MPPED2: variants seen among roughly 807,000 people sequenced by gnomAD.
MPPED2 encodes metallophosphoesterase MPPED2.
A neutral mutation model predicts 33.0 loss-of-function variants in MPPED2; 5 were observed. That is an observed-to-expected ratio of 0.15 (90% CI 0.08 to 0.32). MPPED2 has a LOEUF of 0.32. Among genes scored for constraint, MPPED2 ranks in the 10% least tolerant of loss-of-function variants. The probability of loss-of-function intolerance (pLI) is 1.00; values close to 1 mark genes in which losing one functional copy is unlikely to be tolerated. For synonymous variants in MPPED2, 136 were observed against 141.9 expected (o/e 0.96, Z 0.29); for missense variants, 275 against 372.1 (o/e 0.74, Z 2.15).
intron 4 of MPPED2, among the ~76,000 whole-genome samples, chr11:30,430,663 G>A (rs548232943): frequency 1.4e-4 from 22 of 152,116 alleles, no homozygotes; most frequent in Admixed American, 2.6e-4. Context: ...AGTGTAATTC[G>A]TAACAACAAA....
chr11:30,534,241 C>T (rs1394098509), intron 3 of MPPED2, among the ~76,000 whole-genome samples: 3 of 152,148 alleles, frequency 2.0e-5, no homozygotes, highest in East Asian at 1.9e-4. Context: ...ACATTGTCAA[C>T]GCAGCTCGAT....
intron 2 of MPPED2, among the ~76,000 whole-genome samples, chr11:30,572,079 G>T (rs189438630): frequency 6.8e-4 from 104 of 152,202 alleles, no homozygotes; most frequent in African/African-American, 2.5e-3. Context: ...TCTATGAGTC[G>T]TTCTTTATCC....
At chr11:30,540,337 C>T (rs1213701854) in intron 2 of MPPED2, among the ~76,000 whole-genome samples, 1 of 152,120 alleles carries the variant, frequency 6.6e-6, no homozygotes, top group African/African-American at 2.4e-5. Context: ...AAATCCACTC[C>T]ACAACTTATT....
chr11:30,577,673 C>T (rs1453076039), intron 2 of MPPED2, among the ~76,000 whole-genome samples: 1 of 152,180 alleles, frequency 6.6e-6, no homozygotes, highest in East Asian at 1.9e-4. Flanking sequence ...TGACCACCTA[C>T]CATAGGTCAG....
At chr11:30,410,048 C>T (rs887002714), downstream of MPPED2, 81 of 945,586 alleles carry the variant, frequency 8.6e-5, no homozygotes, top group African/African-American at 1.3e-3. Context: ...AGTGCCTTAT[C>T]GATCTATCTG....
rs534665675 is a variant in MPPED2, at chr11:30,410,291, A to G, written c.*1177T>C. 4.1e-6 allele frequency: 4 copies of G among 985,254 alleles called. No homozygotes were observed. The East Asian group carries it at 4.5e-4, about 112-fold the overall frequency. 61.0% of individuals were successfully genotyped at this position (985,254 alleles called of 1,614,324 possible). A position where few individuals can be genotyped will look rare whatever the true frequency, so the allele number is the denominator to read the frequency against. On this transcript the variant is annotated 3_prime_UTR_variant, in exon 7 of 7. Transcript: ENST00000358117. ...ATATAGAATATCACAATAAATTTAA[A>G]GAAACAACTGCTTTCCTAAATTTCA...
chr11:30,398,382 C>T (rs189552454), intron 6 of MPPED2, among the ~76,000 whole-genome samples: 1 of 152,278 alleles, frequency 6.6e-6, no homozygotes, highest in African/African-American at 2.4e-5. Context: ...CTTTAGATCT[C>T]ACCTTACTGG....
intron 4 of MPPED2, among the ~76,000 whole-genome samples, chr11:30,475,212 C>G (rs1268060615): frequency 6.6e-6 from 1 of 152,052 alleles, no homozygotes; most frequent in Non-Finnish European, 1.5e-5. Flanking sequence ...TTTGTTAAAT[C>G]ATATCGAATA....
chr11:30,560,965 C>T (rs1956215843), intron 2 of MPPED2, among the ~76,000 whole-genome samples: 1 of 152,172 alleles, frequency 6.6e-6, no homozygotes, highest in Non-Finnish European at 1.5e-5. Context: ...AACAACGTGG[C>T]TTCTTGGTGC....
At chr11:30,495,248 G>C (rs1447577826) in intron 4 of MPPED2, 48 bp downstream of exon 4, 1 of 1,288,658 alleles carries the variant, frequency 7.8e-7, no homozygotes, top group Non-Finnish European at 1.1e-6. Context: ...TGTTTTCTTG[G>C]TACTGAGCTA....
intron 1 of MPPED2, among the ~76,000 whole-genome samples, chr11:30,580,941 C>T (rs1460152321): frequency 6.6e-6 from 1 of 152,176 alleles, no homozygotes; most frequent in African/African-American, 2.4e-5. Flanking sequence ...AACACAATGA[C>T]AGATAAGAAT....
intron 3 of MPPED2, among the ~76,000 whole-genome samples, chr11:30,509,902 A>G (rs1480980693): frequency 6.6e-6 from 1 of 152,172 alleles, no homozygotes; most frequent in African/African-American, 2.4e-5. Flanking sequence ...TTGCAGACCA[A>G]TCCTCTCCTT....
chr11:30,574,408 C>A (rs1350653272), intron 2 of MPPED2, among the ~76,000 whole-genome samples: 1 of 152,130 alleles, frequency 6.6e-6, no homozygotes, highest in Non-Finnish European at 1.5e-5. Context: ...GTAGGTTATA[C>A]CATCTACGTT....
rs1340123371 is a variant in MPPED2 at position 30,411,362 on chromosome 11, A to G, written c.*106T>C. On this transcript the variant is annotated 3_prime_UTR_variant, in exon 7 of 7. Transcript: ENST00000358117. ...ATCATTTGTGTTCCAACAATTTACA[A>G]AAAGAACTCACAGGGTTTGTAAATA... The G allele has an allele frequency of 2.1e-6, 3 of 1,405,124 alleles. No individual in the cohort carries two copies. Among genetic ancestry groups the G allele is most frequent in the Non-Finnish European group, 2.8e-6 (3 of 1,068,278 alleles). The allele number at this position is 1,405,124 out of a possible 1,614,324, so 87.0% of individuals were successfully genotyped here. A position where few individuals can be genotyped will look rare whatever the true frequency, so the allele number is the denominator to read the frequency against.
At chr11:30,390,305 G>A (rs539328322) in intron 6 of MPPED2, among the ~76,000 whole-genome samples, 1 of 152,316 alleles carries the variant, frequency 6.6e-6, no homozygotes, top group East Asian at 1.9e-4. Flanking sequence ...CACAAAAATA[G>A]TAAGCCTCCA....
chr11:30,514,112 A>G (rs1318790400), intron 3 of MPPED2, among the ~76,000 whole-genome samples: 1 of 152,194 alleles, frequency 6.6e-6, no homozygotes, highest in Non-Finnish European at 1.5e-5. Context: ...TCATGTATTC[A>G]TCTTCCCCTG....
At chr11:30,472,922 T>C (rs1951011463) in intron 4 of MPPED2, among the ~76,000 whole-genome samples, 1 of 152,232 alleles carries the variant, frequency 6.6e-6, no homozygotes, top group Admixed American at 6.5e-5. Context: ...ATAAAAAATG[T>C]TGTAGAATAG....
intron 1 of MPPED2, among the ~76,000 whole-genome samples, chr11:30,583,128 C>CTTTTTCTTTTTTTCTTT (rs752568357): frequency 1.1e-5 from 1 of 92,846 alleles, no homozygotes; most frequent in South Asian, 4.0e-4. Flanking sequence ...CTGGAAAAGA[C>CTTTTTCTTTTTTTCTTT]TTTTTCTTTT....
chr11:30,457,429 G>A (rs978212048), intron 4 of MPPED2, among the ~76,000 whole-genome samples: 10 of 150,294 alleles, frequency 6.7e-5, no homozygotes, highest in African/African-American at 2.4e-4. Flanking sequence ...GCTGAAAGCT[G>A]ATATCGCAAG....
Sources: gnomAD v4.1 joint callset for allele counts (sites outside exome capture counted in the v4.1 genomes callset) on GRCh38, gnomAD v4.1.1 for gene constraint, MANE v1.5 for transcripts, NCBI Gene and HGNC (gene_info 2026-07-23, HGNC 2026-07-21) for gene names.